The following SAMD5 variants were observed in gnomAD, a reference collection of about 807,000 sequenced individuals.
The protein encoded by SAMD5 is sterile alpha motif domain containing 5.
A neutral mutation model predicts 11.3 loss-of-function variants in SAMD5; 13 were observed. The observed-to-expected ratio is 1.15, with a 90% confidence interval of 0.75 to 1.83. The LOEUF is 1.83. Ranked by LOEUF, SAMD5 falls within the 40% of genes most tolerant of loss-of-function variation. The pLI, the probability that SAMD5 is intolerant of heterozygous loss-of-function variation, is 0.00. For missense variants in SAMD5, 255 were observed against 239.1 expected, an observed-to-expected ratio of 1.07 and a Z score of -0.44; for synonymous variants, 129 against 111.3, an observed-to-expected ratio of 1.16 and a Z score of -1.00.
the SAMD5 span, among the ~76,000 whole-genome samples, chr6:147,781,261 T>C: frequency 2.0e-5 from 3 of 151,644 alleles, no homozygotes; most frequent in African/African-American, 7.3e-5. Flanking sequence ...ACTCAAGTGA[T>C]CCTCCTACCT....
chr6:147,761,059 A>G, the SAMD5 span, among the ~76,000 whole-genome samples: 1 of 152,178 alleles, frequency 6.6e-6, no homozygotes, highest in African/African-American at 2.4e-5. Context: ...TACATTTAAA[A>G]CTTCTTTAGC....
chr6:147,744,498 C>T, the SAMD5 span, among the ~76,000 whole-genome samples: 1 of 152,108 alleles, frequency 6.6e-6, no homozygotes, highest in Non-Finnish European at 1.5e-5. Context: ...ATATAGCTCA[C>T]AGGATTCTGT....
the SAMD5 span, among the ~76,000 whole-genome samples, chr6:147,785,752 A>G: frequency 6.6e-6 from 1 of 152,236 alleles, no homozygotes; most frequent in African/African-American, 2.4e-5. Flanking sequence ...TAAAAGAAAT[A>G]CTTCTCCAGA....
chr6:147,614,584 C>G (rs1011745912), intron 1 of SAMD5, among the ~76,000 whole-genome samples: 2 of 151,902 alleles, frequency 1.3e-5, no homozygotes, highest in Non-Finnish European at 2.9e-5. Context: ...AAGAGAAACT[C>G]ATATGATCCC....
the SAMD5 span, among the ~76,000 whole-genome samples, chr6:147,902,025 T>C: frequency 1.3e-5 from 2 of 152,156 alleles, no homozygotes; most frequent in Non-Finnish European, 2.9e-5. Flanking sequence ...TGTTTCTAGT[T>C]CAGAAATCAA....
At chr6:147,578,232 T>C (rs755165977) in intron 1 of SAMD5, among the ~76,000 whole-genome samples, 4 of 152,218 alleles carry the variant, frequency 2.6e-5, no homozygotes, top group Non-Finnish European at 4.4e-5. Flanking sequence ...TATTAGTTGC[T>C]TAAAAGTTAT....
At chr6:147,820,378 A>G in the SAMD5 span, among the ~76,000 whole-genome samples, 1 of 152,208 alleles carries the variant, frequency 6.6e-6, no homozygotes, top group Non-Finnish European at 1.5e-5. Flanking sequence ...TATTCTTTAT[A>G]GTTGGAATAT....
the SAMD5 span, among the ~76,000 whole-genome samples, chr6:147,779,646 C>T: frequency 1.3e-5 from 2 of 152,248 alleles, no homozygotes; most frequent in African/African-American, 4.8e-5. Flanking sequence ...CAGGCATAGA[C>T]GCTCACTAAA....
At chr6:147,623,608 C>T (rs2128450502) in intron 1 of SAMD5, among the ~76,000 whole-genome samples, 1 of 152,238 alleles carries the variant, frequency 6.6e-6, no homozygotes, top group South Asian at 2.1e-4. Flanking sequence ...ATAATATAAC[C>T]CAGCAGATAC....
chr6:147,591,706 G>T (rs1188577275), intron 1 of SAMD5, among the ~76,000 whole-genome samples: 1 of 152,036 alleles, frequency 6.6e-6, no homozygotes, highest in Non-Finnish European at 1.5e-5. Flanking sequence ...TTAGAAATAG[G>T]GGATTTTCAC....
At chr6:147,621,169 G>A (rs948951801) in intron 1 of SAMD5, among the ~76,000 whole-genome samples, 1 of 152,152 alleles carries the variant, frequency 6.6e-6, no homozygotes, top group Non-Finnish European at 1.5e-5. Flanking sequence ...CTTCCTGTAT[G>A]CTTTTACATA....
chr6:147,830,251 C>CTTTCTT, the SAMD5 span, among the ~76,000 whole-genome samples: 1 of 84,934 alleles, frequency 1.2e-5, no homozygotes, highest in African/African-American at 4.7e-5. Context: ...TTCTTTCTTT[C>CTTTCTT]TTTTTTTTTT....
chr6:147,953,250 T>A, the SAMD5 span: 48 of 152,282 alleles, frequency 3.2e-4, 1 homozygote, highest in African/African-American at 1.1e-3. Flanking sequence ...AAATCTTTGC[T>A]TTACCAAAGG....
At chr6:147,532,800 C>A (rs1293133146) in intron 1 of SAMD5, among the ~76,000 whole-genome samples, 1 of 152,154 alleles carries the variant, frequency 6.6e-6, no homozygotes, top group Non-Finnish European at 1.5e-5. Flanking sequence ...ATCTACATAG[C>A]CTTTCTATCA....
intron 1 of SAMD5, among the ~76,000 whole-genome samples, chr6:147,595,292 T>C (rs1204136720): frequency 6.6e-6 from 1 of 152,196 alleles, no homozygotes; most frequent in African/African-American, 2.4e-5. Context: ...AAGCTTTATA[T>C]GCGATATATA....
At chr6:147,821,416 C>T in the SAMD5 span, among the ~76,000 whole-genome samples, 1 of 152,214 alleles carries the variant, frequency 6.6e-6, no homozygotes, top group Admixed American at 6.5e-5. Context: ...GACCCCTCCA[C>T]GTGGTTCTGC....
intron 1 of SAMD5, among the ~76,000 whole-genome samples, chr6:147,616,187 ATT>A (rs1187852070): frequency 2.5e-5 from 3 of 120,132 alleles, no homozygotes; most frequent in African/African-American, 1.0e-4. Context: ...ATTCATATAT[ATT>A]TCATATATAT....
chr6:147,938,271 C>T, the SAMD5 span, among the ~76,000 whole-genome samples: 4 of 139,152 alleles, frequency 2.9e-5, no homozygotes, highest in African/African-American at 8.1e-5. Context: ...TTGTTTAATA[C>T]TTTCATTAAA....
chr6:147,900,433 G>T, the SAMD5 span, among the ~76,000 whole-genome samples: 1 of 152,248 alleles, frequency 6.6e-6, no homozygotes, highest in South Asian at 2.1e-4. Flanking sequence ...AGACGCAAAA[G>T]TGTGCACACA....
Sources: allele counts gnomAD v4.1 joint callset (sites outside exome capture counted in the v4.1 genomes callset), GRCh38; gene constraint gnomAD v4.1.1; transcripts MANE v1.5; gene names NCBI Gene and HGNC (gene_info 2026-07-23, HGNC 2026-07-21).